The following PACC1 variants were observed in gnomAD, a reference collection of about 807,000 sequenced individuals.
The protein encoded by PACC1 is proton-activated chloride channel.
PACC1 carries 34 observed loss-of-function variants against 39.7 expected under a neutral mutation model. That is an observed-to-expected ratio of 0.86 (90% CI 0.65 to 1.14). The LOEUF is 1.14. Among genes scored for constraint, PACC1 ranks in the 50% most tolerant of loss-of-function variants. The pLI is 0.00. For synonymous variants in PACC1, 127 were observed against 160.6 expected (o/e 0.79, Z 1.58); for missense variants, 379 against 436.4 (o/e 0.87, Z 1.17).
At chr1:212,374,626 TTGTC>T (rs1660580642) in intron 7 of PACC1, among the ~76,000 whole-genome samples, 1 of 152,242 alleles carries the variant, frequency 6.6e-6, no homozygotes, top group Non-Finnish European at 1.5e-5. Context: ...TCATTAGACT[TTGTC>T]TGCATTTATC....
At chr1:212,383,528 C>T (rs938443280) in intron 4 of PACC1, among the ~76,000 whole-genome samples, 1 of 152,176 alleles carries the variant, frequency 6.6e-6, no homozygotes, top group African/African-American at 2.4e-5. Flanking sequence ...TTTTAATTAG[C>T]TTCTACTTCC....
intron 2 of PACC1, among the ~76,000 whole-genome samples, chr1:212,391,009 C>T (rs949861057): frequency 6.6e-6 from 1 of 152,252 alleles, no homozygotes; most frequent in African/African-American, 2.4e-5. Flanking sequence ...GGCTCCACCT[C>T]TGGGGGCAGG....
rs376261747 is a variant in PACC1, at chr1:212,365,203, C to T, written c.*12G>A. ...TTGATGTGGACAGTTCTCTAAACAA[C>T]GCGAGGTGACTTCAGCTTATGTGGC... On this transcript the variant is annotated 3_prime_UTR_variant, in exon 8 of 8. Transcript: ENST00000261455. 1.3e-5 allele frequency: 21 copies of T among 1,611,108 alleles called. No individual in the cohort carries two copies. Among genetic ancestry groups the T allele is most frequent in the South Asian group, 7.7e-5 (7 of 90,836 alleles).
At chr1:212,406,346 G>A (rs572293209) in intron 2 of PACC1, among the ~76,000 whole-genome samples, 8 of 151,966 alleles carry the variant, frequency 5.3e-5, no homozygotes, top group South Asian at 2.1e-4. Flanking sequence ...GCAAAACCTC[G>A]TCTCTACTAA....
chr1:212,404,893 T>A (rs1191521930), intron 2 of PACC1, among the ~76,000 whole-genome samples: 1 of 152,106 alleles, frequency 6.6e-6, no homozygotes, highest in East Asian at 1.9e-4. Flanking sequence ...TTCAGCCTCC[T>A]GAGTAGCTGG....
intron 6 of PACC1, among the ~76,000 whole-genome samples, chr1:212,376,615 G>C (rs995323087): frequency 2.0e-5 from 3 of 152,224 alleles, no homozygotes; most frequent in Admixed American, 1.3e-4. Flanking sequence ...GGAGATGACA[G>C]TTATCTTACA....
chr1:212,401,919 C>T (rs967161416), intron 2 of PACC1, among the ~76,000 whole-genome samples: 26 of 152,158 alleles, frequency 1.7e-4, no homozygotes, highest in African/African-American at 5.8e-4. Context: ...AAGTGATCCA[C>T]CCGCCTTGGC....
chr1:212,414,659 C>A lies in PACC1; in HGVS notation c.36+63G>T, dbSNP rs537286230. ...CCGACACCCCCCGCCCCGCATCCGCCCAGGCCCCCGGGACCCTGCTCCTCC... is the reference window on the plus strand; with the variant it reads ...CCGACACCCCCCGCCCCGCATCCGCACAGGCCCCCGGGACCCTGCTCCTCC... On this transcript the variant is annotated intron_variant, in intron 1 of 7. Transcript: ENST00000261455. 7 of 1,600,512 alleles carry A rather than the reference C, an allele frequency of 4.4e-6. 1 individual carries two copies. The South Asian group carries it at 7.7e-5, about 18-fold the overall frequency.
At chr1:212,393,781 A>G (rs1661415766) in intron 2 of PACC1, among the ~76,000 whole-genome samples, 3 of 152,224 alleles carry the variant, frequency 2.0e-5, no homozygotes, top group African/African-American at 7.2e-5. Context: ...CAGAAATACA[A>G]ACTACCATCA....
At chr1:212,375,940 C>A (rs552500064) in intron 6 of PACC1, among the ~76,000 whole-genome samples, 1 of 152,172 alleles carries the variant, frequency 6.6e-6, no homozygotes, top group Non-Finnish European at 1.5e-5. Flanking sequence ...GTAAGACTCA[C>A]AATTAAAAGC....
chr1:212,375,452 T>C (rs1660612685), intron 6 of PACC1, 152 bp from the exon 7 acceptor site: 2 of 582,268 alleles, frequency 3.4e-6, no homozygotes, highest in Non-Finnish European at 6.3e-6. Flanking sequence ...ATCTCATATA[T>C]ACAAGATCCT....
At chr1:212,392,067 C>T (rs949478236) in intron 2 of PACC1, among the ~76,000 whole-genome samples, 2 of 152,154 alleles carry the variant, frequency 1.3e-5, no homozygotes, top group African/African-American at 4.8e-5. Context: ...GGCAGGCCAA[C>T]ATTCAAATTC....
chr1:212,410,507 C>CAGTTT lies in PACC1; in HGVS notation c.50_51insAAACT (p.Val18AsnfsTer47), dbSNP rs758074283. The CAGTTT allele has an allele frequency of 9.3e-6, 15 of 1,614,156 alleles. No individual in the cohort carries two copies. The highest frequency in any genetic ancestry group is 1.3e-5 in the Non-Finnish European group (15 of 1,179,994). On this transcript the variant is annotated frameshift_variant, in exon 2 of 8. Coordinates refer to ENST00000261455, the MANE Select transcript of PACC1 (RefSeq NM_018252.3). LOFTEE classifies it high-confidence loss of function. ...GCTCTGAGTTCTCAACCACCTGGAC[C>CAGTTT]AACTCCTCACTCAGCTAAAGGGAGA...
intron 4 of PACC1, among the ~76,000 whole-genome samples, chr1:212,383,051 T>C (rs1279104786): frequency 6.6e-6 from 1 of 152,232 alleles, no homozygotes; most frequent in Non-Finnish European, 1.5e-5. Context: ...CTTCCTCCAC[T>C]GCTATATGCT....
intron 2 of PACC1, among the ~76,000 whole-genome samples, chr1:212,398,170 T>C (rs915129376): frequency 2.6e-5 from 4 of 152,176 alleles, no homozygotes; most frequent in Middle Eastern, 3.4e-3. Flanking sequence ...TTTATGAAAA[T>C]AGCAAAAATA....
At chr1:212,377,344 G>A (rs910624505) in intron 6 of PACC1, among the ~76,000 whole-genome samples, 4 of 152,172 alleles carry the variant, frequency 2.6e-5, no homozygotes, top group Non-Finnish European at 4.4e-5. Context: ...CATGCATTCC[G>A]TGAGGACTGG....
At chr1:212,393,712 A>G (rs1661412772) in intron 2 of PACC1, among the ~76,000 whole-genome samples, 1 of 152,056 alleles carries the variant, frequency 6.6e-6, no homozygotes, top group Non-Finnish European at 1.5e-5. Context: ...GGAAGAAAAG[A>G]GAGAAGAATC....
At chr1:212,385,536 C>A in intron 3 of PACC1, 111 bp from the exon 4 acceptor site, 1 of 1,173,824 alleles carries the variant, frequency 8.5e-7, no homozygotes, top group South Asian at 1.4e-5. Context: ...TGGAGGACTG[C>A]AGGGAAGGGA....
intron 1 of PACC1, among the ~76,000 whole-genome samples, chr1:212,414,517 T>G (rs1220808421): frequency 6.6e-6 from 1 of 152,220 alleles, no homozygotes; most frequent in South Asian, 2.1e-4. Context: ...CGGAGAACGC[T>G]GGGCGCCCGC....
Sources: allele counts gnomAD v4.1 joint callset (sites outside exome capture counted in the v4.1 genomes callset), GRCh38; gene constraint gnomAD v4.1.1; transcripts MANE v1.5; gene names NCBI Gene and HGNC (gene_info 2026-07-23, HGNC 2026-07-21).